The following POLK variants were observed in gnomAD, a reference collection of about 807,000 sequenced individuals.
The protein encoded by POLK is DNA polymerase kappa, also known as polymerase (DNA directed) kappa.
Under a neutral mutation model 94.0 loss-of-function variants are expected in POLK, and 76 were observed. The observed-to-expected ratio is 0.81, with a 90% CI of 0.67 to 0.98. POLK has a LOEUF of 0.98. Among genes scored for constraint, POLK ranks in the 50% least tolerant of loss-of-function variants. The pLI is 0.00. For missense variants in POLK, 954 were observed against 1,010.1 expected (o/e 0.94, Z 0.75); for synonymous variants, 349 against 325.4 (o/e 1.07, Z -0.78).
intron 2 of POLK, among the ~76,000 whole-genome samples, chr5:75,550,127 A>G (rs892313265): frequency 3.3e-5 from 5 of 152,320 alleles, no homozygotes; most frequent in Middle Eastern, 6.8e-3. Flanking sequence ...CCCAACTCCT[A>G]TGAGGCCAGT....
chr5:75,549,782 C>A (rs368610062), intron 2 of POLK, among the ~76,000 whole-genome samples: 3 of 152,114 alleles, frequency 2.0e-5, no homozygotes, highest in East Asian at 3.9e-4. Flanking sequence ...ATAATCATCA[C>A]CCAGCATCAA....
intron 1 of POLK, among the ~76,000 whole-genome samples, chr5:75,530,815 T>C (rs549203290): frequency 8.6e-5 from 13 of 150,508 alleles, no homozygotes; most frequent in South Asian, 4.2e-4. Context: ...CTTTTCTTTT[T>C]TTTTTTTTTT....
chr5:75,583,509 AG>A, intron 8 of POLK, 92 bp downstream of exon 8: 1 of 711,742 alleles, frequency 1.4e-6, no homozygotes, highest in Non-Finnish European at 2.1e-6. Context: ...TTTGCTTAAA[AG>A]TTTTAAAATA....
exon 12 of POLK, chr5:75,593,937 T>C (rs1772926426): frequency 1.2e-6 from 2 of 1,608,046 alleles, no homozygotes; most frequent in Admixed American, 1.7e-5. Flanking sequence ...CTCGTGCATC[T>C]ACAGTTTCAT....
At chr5:75,527,691 A>G (rs1459513463) in intron 1 of POLK, among the ~76,000 whole-genome samples, 1 of 152,042 alleles carries the variant, frequency 6.6e-6, no homozygotes, top group Non-Finnish European at 1.5e-5. Flanking sequence ...TAAATTTTTA[A>G]TTCTTTTTAT....
rs762357885 is a variant in POLK, at chr5:75,521,578, T to C, written c.-14+9664T>C. Among the ~76,000 whole-genome samples the C allele has an allele frequency of 3.3e-5, 5 of 152,198 alleles. No homozygotes were observed. In the South Asian group the frequency reaches 6.2e-4, roughly 19 times the overall value. On this transcript the variant is annotated intron_variant, in intron 1 of 14. Transcript: ENST00000241436. Reference sequence around the variant, plus strand: ...GTCCAAGAGCTCACATATCACTCTCTCGTTAGGGTTAGTCACTGGTTCCTT... The same window carrying C: ...GTCCAAGAGCTCACATATCACTCTCCCGTTAGGGTTAGTCACTGGTTCCTT...
chr5:75,584,999 G>A, intron 9 of POLK, 73 bp downstream of exon 9: 1 of 896,714 alleles, frequency 1.1e-6, no homozygotes. Context: ...ATTGAGATGA[G>A]GCTATATGGA....
At chr5:75,551,153 A>G (rs1770314595) in intron 2 of POLK, among the ~76,000 whole-genome samples, 2 of 152,236 alleles carry the variant, frequency 1.3e-5, no homozygotes, top group South Asian at 4.1e-4. Context: ...AATTTGAGAA[A>G]GCCTCTGAGA....
chr5:75,593,862 A>G lies in POLK; in HGVS notation c.1357-16A>G, dbSNP rs1772921144. Reference sequence around the variant, plus strand: ...TGTCTCATAAATAAATAAATAACATATTGTATATGTTATAGGGTAGAACTG... The same window carrying G: ...TGTCTCATAAATAAATAAATAACATGTTGTATATGTTATAGGGTAGAACTG... On this transcript the variant is annotated splice_polypyrimidine_tract_variant and intron_variant, in intron 11 of 14. Transcript: ENST00000241436. 1 of 1,429,186 alleles carries G rather than the reference A, an allele frequency of 7.0e-7. No homozygotes were observed. Among genetic ancestry groups the G allele is most frequent in the Admixed American group, 1.9e-5 (1 of 52,334 alleles). The allele number at this position is 1,429,186 out of a possible 1,614,324, so 88.5% of individuals were successfully genotyped here.
chr5:75,572,752 C>T (rs535003133), intron 4 of POLK, among the ~76,000 whole-genome samples: 1 of 152,094 alleles, frequency 6.6e-6, no homozygotes, highest in Non-Finnish European at 1.5e-5. Context: ...CAGAATAAGT[C>T]AAAACTTGGA....
chr5:75,520,785 C>A (rs1301257497), intron 1 of POLK, among the ~76,000 whole-genome samples: 1 of 152,064 alleles, frequency 6.6e-6, no homozygotes, highest in Non-Finnish European at 1.5e-5. Flanking sequence ...TTTAGTGTTT[C>A]TTGTAAAATG....
chr5:75,554,222 C>T lies in POLK; in HGVS notation c.255+1631C>T, dbSNP rs117074077. On this transcript the variant is annotated intron_variant, in intron 3 of 14. Coordinates refer to ENST00000241436, the Ensembl canonical transcript of POLK. ...ATGTGCCCAGCTGAAAATCCATTAC[C>T]ATGGAAGGAAGGAAGAATAGATTTT... Among the ~76,000 whole-genome samples the T allele has an allele frequency of 2.0e-3, 310 of 152,164 alleles. 1 individual carries two copies. The East Asian group carries it at 0.027, about 13-fold the overall frequency.
At chr5:75,517,731 G>C (rs1334089515) in intron 1 of POLK, among the ~76,000 whole-genome samples, 2 of 152,182 alleles carry the variant, frequency 1.3e-5, no homozygotes, top group Non-Finnish European at 2.9e-5. Flanking sequence ...TTAGAGGAAA[G>C]GCTTTCAATA....
chr5:75,573,071 TA>T (rs1279783571), intron 4 of POLK, among the ~76,000 whole-genome samples: 1 of 152,150 alleles, frequency 6.6e-6, no homozygotes, highest in Non-Finnish European at 1.5e-5. Flanking sequence ...CACATATGTT[TA>T]TTGCGGCACT....
At chr5:75,563,299 A>G (rs754813978) in intron 3 of POLK, among the ~76,000 whole-genome samples, 7 of 152,018 alleles carry the variant, frequency 4.6e-5, no homozygotes, top group Non-Finnish European at 1.0e-4. Context: ...TTTGGTTGGT[A>G]GTCTGGCTAG....
intron 1 of POLK, among the ~76,000 whole-genome samples, chr5:75,520,661 G>A (rs1434750386): frequency 6.6e-6 from 1 of 152,176 alleles, no homozygotes; most frequent in African/African-American, 2.4e-5. Context: ...AGCTTTCCAA[G>A]TAGCTAGTAT....
At chr5:75,534,532 G>T (rs1318658765) in intron 1 of POLK, among the ~76,000 whole-genome samples, 2 of 151,992 alleles carry the variant, frequency 1.3e-5, no homozygotes, top group Non-Finnish European at 2.9e-5. Context: ...TTAGTTTGTT[G>T]CCTCAATGAT....
At chr5:75,515,656 AT>A (rs1768287478) in intron 1 of POLK, among the ~76,000 whole-genome samples, 1 of 152,212 alleles carries the variant, frequency 6.6e-6, no homozygotes, top group African/African-American at 2.4e-5. Context: ...CAGTAGTTGT[AT>A]TTTAAGTTTT....
chr5:75,577,557 A>C (rs1464434460), intron 6 of POLK, among the ~76,000 whole-genome samples: 1 of 152,152 alleles, frequency 6.6e-6, no homozygotes, highest in Non-Finnish European at 1.5e-5. Flanking sequence ...ATTTTGTCAA[A>C]GGTATGATTA....
Sources: allele counts gnomAD v4.1 joint callset (sites outside exome capture counted in the v4.1 genomes callset), GRCh38; gene constraint gnomAD v4.1.1; transcripts MANE v1.5; gene names NCBI Gene and HGNC (gene_info 2026-07-23, HGNC 2026-07-21).